TANC2: variants seen among roughly 807,000 people sequenced by gnomAD.
TANC2 encodes the protein protein TANC2.
In TANC2, 26 loss-of-function variants were observed where a neutral mutation model predicts 210.5. The observed-to-expected ratio is 0.12, with a 90% CI of 0.09 to 0.17. The LOEUF is 0.17. Among genes scored for constraint, TANC2 ranks in the 10% least tolerant of loss-of-function variants. The pLI is 1.00. For missense variants in TANC2, 2,129 were observed against 2,608.9 expected (o/e 0.82, Z 4.01); for synonymous variants, 931 against 967.1 (o/e 0.96, Z 0.69).
In TANC2 at chr17:63,350,093, C is replaced by T. The variant is rs562982507; in HGVS notation, c.1808-1157C>T. On this transcript the variant is annotated intron_variant, in intron 12 of 27. Transcript: ENST00000689528. The stretch of plus-strand genomic sequence containing the variant: ...TGCTTTAGGAGAAAAACAATAAGGG[C>T]TTATTAATCATTGCAAAAGATCTGT... Among the ~76,000 whole-genome samples, 3 of 152,228 alleles carry T rather than the reference C, an allele frequency of 2.0e-5. No individual in the cohort carries two copies. The East Asian group carries it at 5.8e-4, about 29-fold the overall frequency.
chr17:63,075,575 G>T (rs933245604), intron 3 of TANC2, among the ~76,000 whole-genome samples: 2 of 152,044 alleles, frequency 1.3e-5, no homozygotes, highest in Non-Finnish European at 2.9e-5. Context: ...GCCTAGGCTG[G>T]AGTGCAGAGT....
At chr17:63,231,182 TTGAATAC>T (rs1483398149) in intron 7 of TANC2, among the ~76,000 whole-genome samples, 6 of 152,180 alleles carry the variant, frequency 3.9e-5, no homozygotes, top group African/African-American at 9.7e-5. Context: ...GATGGGTCTC[TTGAATAC>T]AGCATACCAA....
At chr17:63,032,807 AT>A (rs2034825574) in intron 2 of TANC2, among the ~76,000 whole-genome samples, 1 of 152,106 alleles carries the variant, frequency 6.6e-6, no homozygotes, top group Non-Finnish European at 1.5e-5. Flanking sequence ...GTATCCTACA[AT>A]TTAATTCTGA....
At chr17:63,354,462 AAAT>A (rs1175717724) in intron 13 of TANC2, among the ~76,000 whole-genome samples, 2 of 152,184 alleles carry the variant, frequency 1.3e-5, no homozygotes, top group African/African-American at 4.8e-5. Flanking sequence ...ACACTGAGAA[AAAT>A]TACAGCAAAA....
At chr17:63,146,441 G>A (rs990596505) in intron 4 of TANC2, among the ~76,000 whole-genome samples, 1 of 152,058 alleles carries the variant, frequency 6.6e-6, no homozygotes, top group Non-Finnish European at 1.5e-5. Flanking sequence ...GACAATTAAT[G>A]TTTATTAAGT....
chr17:63,023,810 T>TA (rs1273213673), intron 2 of TANC2, among the ~76,000 whole-genome samples: 1 of 152,318 alleles, frequency 6.6e-6, no homozygotes, highest in East Asian at 1.9e-4. Context: ...TACTGTGCTA[T>TA]AAAATAAAAT....
At chr17:63,108,592 A>G (rs925953658) in intron 4 of TANC2, among the ~76,000 whole-genome samples, 1 of 151,670 alleles carries the variant, frequency 6.6e-6, no homozygotes, top group African/African-American at 2.4e-5. Flanking sequence ...CGGGCAGATC[A>G]GAGGCCAAGA....
intron 2 of TANC2, among the ~76,000 whole-genome samples, chr17:63,055,817 C>A (rs2035753103): frequency 6.7e-6 from 1 of 149,438 alleles, no homozygotes; most frequent in South Asian, 2.1e-4. Context: ...TAATGGATTC[C>A]TAGATTCTAT....
At chr17:63,331,650 T>C (rs1413550882) in intron 11 of TANC2, among the ~76,000 whole-genome samples, 1 of 152,210 alleles carries the variant, frequency 6.6e-6, no homozygotes. Flanking sequence ...ATCTGGGTTT[T>C]TCAAAAAGAA....
intron 12 of TANC2, among the ~76,000 whole-genome samples, chr17:63,349,390 C>T (rs910393242): frequency 1.3e-5 from 2 of 152,132 alleles, no homozygotes; most frequent in East Asian, 3.8e-4. Flanking sequence ...CCAACAGATG[C>T]ATTATCATCA....
intron 5 of TANC2, among the ~76,000 whole-genome samples, chr17:63,187,977 A>C (rs2041051880): frequency 6.6e-6 from 1 of 152,224 alleles, no homozygotes; most frequent in South Asian, 2.1e-4. Flanking sequence ...ATGAAAGCAA[A>C]GTGAAGGTTT....
At chr17:63,362,877 G>C (rs1284221999) in intron 14 of TANC2, among the ~76,000 whole-genome samples, 2 of 152,082 alleles carry the variant, frequency 1.3e-5, no homozygotes, top group African/African-American at 2.4e-5. Context: ...CAACTCAGGA[G>C]GGGGCAGGGC....
At chr17:63,133,491 A>G (rs762072883) in intron 4 of TANC2, among the ~76,000 whole-genome samples, 2 of 152,148 alleles carry the variant, frequency 1.3e-5, no homozygotes, top group African/African-American at 4.8e-5. Flanking sequence ...AAAAAATGGA[A>G]TAACCTTCCA....
intron 9 of TANC2, among the ~76,000 whole-genome samples, chr17:63,272,955 A>G (rs1322755589): frequency 6.6e-6 from 1 of 151,862 alleles, no homozygotes; most frequent in African/African-American, 2.4e-5. Context: ...AGTGTTTCTC[A>G]AACTTTTTGG....
chr17:63,420,141 C>T lies in TANC2; in HGVS notation c.4411C>T (p.Pro1471Ser), dbSNP rs1471896917. The T allele has an allele frequency of 6.4e-7, 1 of 1,557,746 alleles. No homozygotes were observed. The highest frequency in any genetic ancestry group is 8.7e-7 in the Non-Finnish European group (1 of 1,150,278). ...ACAGCAGCCACCGCCGCCACCGCAG[C>T]CTCAGCAGCAGTTGCCGGAAGAAGC... The change falls in exon 28 of 28, where the codon CCT becomes TCT. Residue 1471 changes from proline (P) to serine (S), a missense_variant. Pro to Ser is a moderately conservative substitution (Grantham distance 74, BLOSUM62 -1). Transcript: ENST00000689528. The surrounding 1 kb of genome is among the most constrained non-coding windows in gnomAD (Gnocchi z 4.2).
intron 14 of TANC2, among the ~76,000 whole-genome samples, chr17:63,377,944 A>C (rs889024767): frequency 6.6e-6 from 1 of 152,150 alleles, no homozygotes; most frequent in Non-Finnish European, 1.5e-5. Flanking sequence ...AAACCATCAG[A>C]TCTCTTGAGA....
chr17:63,360,501 G>T (rs896803198), intron 14 of TANC2, among the ~76,000 whole-genome samples: 1 of 151,292 alleles, frequency 6.6e-6, no homozygotes, highest in Non-Finnish European at 1.5e-5. Context: ...AATTTTTGTG[G>T]GTACATGGTA....
chr17:63,204,606 A>AAAGAAAGAAAGAAAGACTCATCCTAAAG (rs1239989691), intron 7 of TANC2, among the ~76,000 whole-genome samples: 1 of 149,414 alleles, frequency 6.7e-6, no homozygotes, highest in Non-Finnish European at 1.5e-5. Flanking sequence ...TCTAAAAAAA[A>AAAGAAAGAAAGAAAGACTCATCCTAAAG]AAGAAAGAAA....
At chr17:63,131,666 TATC>T (rs2038924994) in intron 4 of TANC2, among the ~76,000 whole-genome samples, 1 of 152,140 alleles carries the variant, frequency 6.6e-6, no homozygotes. Flanking sequence ...TTGAAAGTAA[TATC>T]ATTTCATATT....
Sources: gnomAD v4.1 joint callset for allele counts (sites outside exome capture counted in the v4.1 genomes callset) on GRCh38, gnomAD v4.1.1 for gene constraint, Gnocchi (gnomAD v3.1) non-coding constraint, MANE v1.5 for transcripts, NCBI Gene and HGNC (gene_info 2026-07-23, HGNC 2026-07-21) for gene names.